Variants in PPM1H observed in about 807,000 individuals in gnomAD.
PPM1H encodes protein phosphatase 1H.
A neutral mutation model predicts 54.9 loss-of-function variants in PPM1H; 27 were observed. The observed-to-expected ratio is 0.49, with a 90% CI of 0.36 to 0.68. The LOEUF is 0.68. PPM1H is among the 30% of genes least tolerant of loss of function. The pLI, the probability that PPM1H is intolerant of heterozygous loss-of-function variation, is 0.00. For missense variants in PPM1H, 596 were observed against 667.8 expected (o/e 0.89, Z 1.19); for synonymous variants, 305 against 270.8 (o/e 1.13, Z -1.24).
intron 1 of PPM1H, among the ~76,000 whole-genome samples, chr12:62,864,999 T>C (rs986720740): frequency 2.6e-5 from 4 of 152,224 alleles, no homozygotes; most frequent in South Asian, 2.1e-4. Flanking sequence ...CTGCCAATAA[T>C]ACTTAAATGT....
At chr12:62,725,398 C>T (rs567535402) in intron 5 of PPM1H, among the ~76,000 whole-genome samples, 207 of 152,240 alleles carry the variant, frequency 1.4e-3, no homozygotes, top group Non-Finnish European at 2.1e-3. Flanking sequence ...CAGAGGTGCC[C>T]GCCCCATATC....
At chr12:62,922,341 T>TTTC (rs1871825982) in intron 1 of PPM1H, among the ~76,000 whole-genome samples, 1 of 151,906 alleles carries the variant, frequency 6.6e-6, no homozygotes. Flanking sequence ...GATGTCTTTT[T>TTTC]TTTTTTAATA....
chr12:62,840,496 C>A (rs1260129282), intron 1 of PPM1H, among the ~76,000 whole-genome samples: 2 of 152,050 alleles, frequency 1.3e-5, no homozygotes, highest in Non-Finnish European at 2.9e-5. Context: ...AGGCCTATGT[C>A]GCAAGGGATC....
intron 1 of PPM1H, among the ~76,000 whole-genome samples, chr12:62,870,876 C>T (rs1456670753): frequency 6.6e-6 from 1 of 152,182 alleles, no homozygotes. Context: ...CCACTTCACA[C>T]CCACTGGGCT....
chr12:62,833,436 C>T (rs1868410406), intron 1 of PPM1H, among the ~76,000 whole-genome samples: 1 of 152,132 alleles, frequency 6.6e-6, no homozygotes, highest in Non-Finnish European at 1.5e-5. Flanking sequence ...TAGCTTTTGA[C>T]CAATTCCCCA....
intron 6 of PPM1H, among the ~76,000 whole-genome samples, chr12:62,706,815 T>C (rs117358209): frequency 3.9e-5 from 6 of 152,276 alleles, no homozygotes; most frequent in Non-Finnish European, 7.4e-5. Flanking sequence ...ATTCTCTTCC[T>C]AAAATTAAAT....
At chr12:62,918,006 A>C (rs772572) in intron 1 of PPM1H, among the ~76,000 whole-genome samples, 1 of 152,102 alleles carries the variant, frequency 6.6e-6, no homozygotes, top group Non-Finnish European at 1.5e-5. Flanking sequence ...TTAATTTGTA[A>C]TGTATACAAA....
chr12:62,813,744 T>A (rs1357785875), intron 2 of PPM1H, among the ~76,000 whole-genome samples: 1 of 151,720 alleles, frequency 6.6e-6, no homozygotes, highest in Non-Finnish European at 1.5e-5. Flanking sequence ...AAGGGGAGAG[T>A]TGAAATATGG....
intron 1 of PPM1H, among the ~76,000 whole-genome samples, chr12:62,857,911 C>T (rs567546489): frequency 1.1e-4 from 16 of 152,236 alleles, no homozygotes; most frequent in Middle Eastern, 3.4e-3. Context: ...CCCAGGTCAG[C>T]GCCTTGCATA....
chr12:62,807,336 T>TC (rs2076810684), intron 2 of PPM1H, among the ~76,000 whole-genome samples: 1 of 152,172 alleles, frequency 6.6e-6, no homozygotes, highest in Non-Finnish European at 1.5e-5. Flanking sequence ...AGGGTGAAAG[T>TC]CATGATGCTA....
At chr12:62,721,243 G>A (rs185344483) in intron 5 of PPM1H, among the ~76,000 whole-genome samples, 235 of 152,260 alleles carry the variant, frequency 1.5e-3, no homozygotes, top group Non-Finnish European at 2.7e-3. Context: ...CAATGCCGGC[G>A]GATCTCTCAC....
At chr12:62,763,435 T>A (rs2076522587) in intron 4 of PPM1H, among the ~76,000 whole-genome samples, 1 of 152,238 alleles carries the variant, frequency 6.6e-6, no homozygotes, top group Admixed American at 6.5e-5. Flanking sequence ...GCAGAGGTCC[T>A]GATTTCAGAT....
intron 8 of PPM1H, among the ~76,000 whole-genome samples, chr12:62,677,693 G>A (rs1183458385): frequency 2.0e-5 from 3 of 152,180 alleles, no homozygotes; most frequent in African/African-American, 4.8e-5. Flanking sequence ...AAAGCTGAGC[G>A]CAGCCTGCCA....
chr12:62,849,496 C>T (rs1464407619), intron 1 of PPM1H, among the ~76,000 whole-genome samples: 1 of 152,114 alleles, frequency 6.6e-6, no homozygotes, highest in Non-Finnish European at 1.5e-5. Context: ...TCACCCACTA[C>T]CCTATGCAGC....
chr12:62,926,327 C>T (rs1871969685), intron 1 of PPM1H, among the ~76,000 whole-genome samples: 1 of 152,104 alleles, frequency 6.6e-6, no homozygotes, highest in Admixed American at 6.6e-5. Context: ...TCACCATTTC[C>T]TTCCCCCCAC....
At chr12:62,784,968 C>T (rs574936854) in intron 4 of PPM1H, among the ~76,000 whole-genome samples, 1 of 152,256 alleles carries the variant, frequency 6.6e-6, no homozygotes, top group East Asian at 1.9e-4. Flanking sequence ...TAATCAACTA[C>T]AAAACCCCAA....
chr12:62,871,511 CTT>C (rs375570472), intron 1 of PPM1H, among the ~76,000 whole-genome samples: 40,297 of 118,138 alleles, frequency 0.34, 5,784 homozygotes, highest in East Asian at 0.51. Context: ...AACTGTGGTA[CTT>C]TTTTTTTTTT....
At chr12:62,704,781 T>A (rs1035343290) in intron 6 of PPM1H, among the ~76,000 whole-genome samples, 1 of 152,150 alleles carries the variant, frequency 6.6e-6, no homozygotes, top group African/African-American at 2.4e-5. Context: ...AAACTCTCCA[T>A]AATGGGGCCC....
chr12:62,766,020 A>G (rs2076540676), intron 4 of PPM1H, among the ~76,000 whole-genome samples: 1 of 152,232 alleles, frequency 6.6e-6, no homozygotes, highest in Admixed American at 6.5e-5. Flanking sequence ...ACATTGTAGT[A>G]ATCTTGGGGA....
Sources: allele counts gnomAD v4.1 joint callset (sites outside exome capture counted in the v4.1 genomes callset), GRCh38; gene constraint gnomAD v4.1.1; transcripts MANE v1.5; gene names NCBI Gene and HGNC (gene_info 2026-07-23, HGNC 2026-07-21).